PRELID2: variants seen among roughly 807,000 people sequenced by gnomAD.
PRELID2 encodes the protein PRELI domain-containing protein 2.
Under a neutral mutation model 28.4 loss-of-function variants are expected in PRELID2, and 25 were observed. The ratio of observed to expected loss-of-function variants is 0.88; its 90% CI spans 0.64 to 1.23. The LOEUF (loss-of-function observed/expected upper bound fraction) is 1.23, where lower values mean the gene tolerates loss of function less well. Among genes scored for constraint, PRELID2 ranks in the 50% most tolerant of loss-of-function variants. The pLI is 0.00. For synonymous variants in PRELID2, 76 were observed against 71.6 expected (o/e 1.06, Z -0.31); for missense variants, 201 against 214.4 (o/e 0.94, Z 0.39).
chr5:145,737,176 AAGG>A (rs1041502284), intron 1 of PRELID2, among the ~76,000 whole-genome samples: 13 of 152,172 alleles, frequency 8.5e-5, no homozygotes, highest in Admixed American at 7.2e-4. Context: ...TCTTGCCCTC[AAGG>A]AGTTTACAGG....
chr5:145,307,619 T>C, the PRELID2 span, among the ~76,000 whole-genome samples: 1 of 152,110 alleles, frequency 6.6e-6, no homozygotes, highest in Admixed American at 6.5e-5. Context: ...ATTAGCTCTA[T>C]GTGGCATTTA....
At chr5:145,621,425 C>T (rs941919985) in intron 1 of PRELID2, among the ~76,000 whole-genome samples, 1 of 152,162 alleles carries the variant, frequency 6.6e-6, no homozygotes, top group Admixed American at 6.5e-5. Context: ...CATTCTATAT[C>T]TACACAAAAA....
intron 1 of PRELID2, among the ~76,000 whole-genome samples, chr5:145,543,327 G>T (rs1378230566): frequency 1.3e-5 from 2 of 152,052 alleles, no homozygotes. Flanking sequence ...AGACAGCAAA[G>T]GCATTTATTT....
the PRELID2 span, among the ~76,000 whole-genome samples, chr5:145,275,763 C>T: frequency 6.6e-6 from 1 of 151,992 alleles, no homozygotes; most frequent in Non-Finnish European, 1.5e-5. Context: ...GCTATTTAGT[C>T]CAATGGTTAA....
At chr5:145,824,135 G>A (rs139913131) in intron 1 of PRELID2, among the ~76,000 whole-genome samples, 90 of 152,154 alleles carry the variant, frequency 5.9e-4, no homozygotes, top group African/African-American at 1.9e-3. Flanking sequence ...GAGCAGAAGT[G>A]ACCTCCTAGA....
At chr5:145,666,038 G>C (rs1239297258) in intron 1 of PRELID2, among the ~76,000 whole-genome samples, 1 of 148,950 alleles carries the variant, frequency 6.7e-6, no homozygotes, top group Non-Finnish European at 1.5e-5. Flanking sequence ...ATTCTCTTAT[G>C]TTAACAAAAA....
chr5:145,500,332 G>C (rs945480802), intron 1 of PRELID2, among the ~76,000 whole-genome samples: 2 of 151,954 alleles, frequency 1.3e-5, no homozygotes, highest in Non-Finnish European at 2.9e-5. Context: ...CATGTAAGAC[G>C]TGCCTCCTTC....
intron 3 of PRELID2, 128 bp from the exon 4 acceptor site, chr5:145,818,182 C>T: frequency 8.7e-6 from 8 of 922,368 alleles, no homozygotes; most frequent in Non-Finnish European, 1.3e-5. Context: ...GATGATGGCT[C>T]ACCAGTGGCT....
At chr5:145,288,672 T>C in the PRELID2 span, among the ~76,000 whole-genome samples, 2 of 152,126 alleles carry the variant, frequency 1.3e-5, no homozygotes, top group Non-Finnish European at 2.9e-5. Context: ...TGCATGTGTA[T>C]ACATATGTGT....
At chr5:145,464,721 C>T in the PRELID2 span, among the ~76,000 whole-genome samples, 1 of 152,100 alleles carries the variant, frequency 6.6e-6, no homozygotes, top group African/African-American at 2.4e-5. Flanking sequence ...TTTTATTAAA[C>T]ACTGCCAATT....
At chr5:145,358,468 C>G in the PRELID2 span, among the ~76,000 whole-genome samples, 1 of 152,042 alleles carries the variant, frequency 6.6e-6, no homozygotes, top group Non-Finnish European at 1.5e-5. Context: ...GGAGGTTACA[C>G]TCTCCAATGA....
chr5:145,785,229 T>A (rs1751912455), intron 5 of PRELID2, among the ~76,000 whole-genome samples: 1 of 152,082 alleles, frequency 6.6e-6, no homozygotes. Flanking sequence ...AAGTTTAGGG[T>A]CTGAGAGAGA....
At chr5:145,766,536 G>A (rs1254620833) in intron 5 of PRELID2, among the ~76,000 whole-genome samples, 1 of 152,174 alleles carries the variant, frequency 6.6e-6, no homozygotes, top group Non-Finnish European at 1.5e-5. Context: ...GTATTTCCTT[G>A]AGGATTCAGA....
chr5:145,695,034 T>A (rs892655152), intron 1 of PRELID2, among the ~76,000 whole-genome samples: 5 of 152,220 alleles, frequency 3.3e-5, no homozygotes, highest in African/African-American at 1.2e-4. Flanking sequence ...ACGGATTCAG[T>A]AGTGTCCCAA....
At chr5:145,627,942 G>A (rs1268536860) in intron 1 of PRELID2, among the ~76,000 whole-genome samples, 1 of 152,204 alleles carries the variant, frequency 6.6e-6, no homozygotes, top group Non-Finnish European at 1.5e-5. Flanking sequence ...TACAAATGGT[G>A]AAAGTGTGCC....
intron 1 of PRELID2, among the ~76,000 whole-genome samples, chr5:145,534,968 A>G (rs1752686830): frequency 6.6e-6 from 1 of 151,926 alleles, no homozygotes; most frequent in South Asian, 2.1e-4. Context: ...TATTCTTCTA[A>G]GATCTTATTT....
At chr5:145,294,405 A>G in the PRELID2 span, among the ~76,000 whole-genome samples, 1 of 142,364 alleles carries the variant, frequency 7.0e-6, no homozygotes, top group Non-Finnish European at 1.6e-5. Flanking sequence ...ACTTGACTAT[A>G]GGGAATAAAA....
intron 1 of PRELID2, among the ~76,000 whole-genome samples, chr5:145,581,610 T>C (rs975635484): frequency 6.6e-6 from 1 of 152,052 alleles, no homozygotes; most frequent in Non-Finnish European, 1.5e-5. Context: ...TTTAATTCCA[T>C]CCATGTGAAC....
At chr5:145,468,743 T>C (rs1333201978), downstream of PRELID2, among the ~76,000 whole-genome samples, 3 of 152,182 alleles carry the variant, frequency 2.0e-5, no homozygotes. Context: ...TTCATATCCT[T>C]TGCCCACTTG....
Sources: gnomAD v4.1 joint callset for allele counts (sites outside exome capture counted in the v4.1 genomes callset) on GRCh38, gnomAD v4.1.1 for gene constraint, MANE v1.5 for transcripts, NCBI Gene and HGNC (gene_info 2026-07-23, HGNC 2026-07-21) for gene names.